The following ECE2 variants were observed in gnomAD, a reference collection of about 807,000 sequenced individuals.
ECE2 encodes endothelin converting enzyme 2, also known as endothelin-converting enzyme 2.
Under a neutral mutation model 100.6 loss-of-function variants are expected in ECE2, and 81 were observed. The observed-to-expected ratio is 0.81, with a 90% CI of 0.67 to 0.97. ECE2 has a LOEUF of 0.97. ECE2 is among the 50% of genes least tolerant of loss of function. ECE2 has a pLI of 0.00. For synonymous variants in ECE2, 391 were observed against 391.5 expected, an observed-to-expected ratio of 1.00 and a Z score of 0.02; for missense variants, 911 against 988.1, an observed-to-expected ratio of 0.92 and a Z score of 1.05.
intron 9 of ECE2, 139 bp downstream of exon 9, chr3:184,285,244 G>A (rs1720984782): frequency 7.8e-6 from 10 of 1,286,282 alleles, no homozygotes; most frequent in Non-Finnish European, 1.1e-5. Context: ...ATGTCTATGG[G>A]CTTTTCCTCT....
At chr3:184,279,954 G>A (rs1369802010) in intron 7 of ECE2, among the ~76,000 whole-genome samples, 2 of 149,058 alleles carry the variant, frequency 1.3e-5, no homozygotes, top group Non-Finnish European at 3.0e-5. Flanking sequence ...AGCATCTGCG[G>A]TACTCCGTGC....
rs779007996 is a variant in ECE2 at position 184,289,696 on chromosome 3, A to G, written c.1529A>G (p.Glu510Gly). The change falls in exon 13 of 19, where the codon GAG becomes GGG. Residue 510 changes from glutamate to glycine, a missense_variant. By Grantham distance (98) the Glu-to-Gly change is moderately conservative. Transcript: ENST00000404464. The surrounding 1 kb of genome is among the most constrained non-coding windows in gnomAD (Gnocchi z 4.1). ...CCAGACTTTATCCTGGAGCCCAAAG[A>G]GCTGGATGATGTTTATGACGGGGTG... The part of the protein sequence containing the change: ...GFPDFILEPK[E>G]LDDVYDGYEI... 1 of 1,613,362 alleles carries G rather than the reference A, an allele frequency of 6.2e-7. No individual in the cohort carries two copies. The highest frequency in any genetic ancestry group is 8.5e-7 in the Non-Finnish European group (1 of 1,179,708).
At chr3:184,290,727 C>G (rs1721272236) in intron 15 of ECE2, 60 bp downstream of exon 15, 1 of 1,611,826 alleles carries the variant, frequency 6.2e-7, no homozygotes, top group African/African-American at 1.3e-5. Context: ...GAGCTGGGAG[C>G]AGGGCTGGAG....
chr3:184,292,028 C>A (rs1721348601), intron 18 of ECE2, 34 bp from the exon 19 acceptor site: 1 of 1,584,786 alleles, frequency 6.3e-7, no homozygotes, highest in South Asian at 1.1e-5. Context: ...CCACACTAGA[C>A]ACCATATGCC....
Position 184,292,205 on chromosome 3 carries a change from C to T in ECE2, c.2265C>T (p.Pro755=), listed in dbSNP as rs376617168. The T allele has an allele frequency of 3.1e-6, 5 of 1,614,036 alleles. No homozygotes were observed. Among genetic ancestry groups the T allele is most frequent in the Middle Eastern group, 1.6e-4 (1 of 6,082 alleles). The change falls in exon 19 of 19, where the codon CCC becomes CCT. Residue 755 remains proline (P), a synonymous_variant. Coordinates refer to ENST00000404464, the MANE Select transcript of ECE2 (RefSeq NM_001100121.2). ...LRHFGCPVGS[P]MNPGQLCEVW ...ACTTCGGCTGCCCTGTCGGCTCCCC[C>T]ATGAACCCAGGGCAGCTGTGTGAGG...
intron 7 of ECE2, 193 bp downstream of exon 7, chr3:184,278,750 T>TCCTC (rs1720687615): frequency 1.6e-6 from 1 of 616,152 alleles, no homozygotes. Flanking sequence ...CTTCCTTCCT[T>TCCTC]CCTCTTATTC....
chr3:184,277,173 A>G lies in ECE2; in HGVS notation c.263-78A>G, dbSNP rs1355582169. The G allele has an allele frequency of 3.1e-6, 5 of 1,604,352 alleles. No homozygotes were observed. In the African/African-American group the frequency reaches 6.7e-5, roughly 21 times the overall value. ...TTCTCTTCCCAACCTTCCTGCTGTC[A>G]TGGCCCTTGCAGAGTTTGCCTCTTC... On this transcript the variant is annotated intron_variant, in intron 3 of 18. Transcript: ENST00000404464.
intron 7 of ECE2, among the ~76,000 whole-genome samples, chr3:184,282,330 A>G (rs767139329): frequency 1.3e-5 from 2 of 152,156 alleles, no homozygotes; most frequent in Non-Finnish European, 2.9e-5. Flanking sequence ...TTTGAAATAC[A>G]CAGAATGAAT....
chr3:184,277,502 A>G (rs767932360), intron 4 of ECE2, 36 bp downstream of exon 4: 6 of 1,606,000 alleles, frequency 3.7e-6, no homozygotes, highest in South Asian at 2.2e-5. Context: ...TGGGCCACCT[A>G]TGTGCCTTGT....
chr3:184,289,574 G>C lies in ECE2; in HGVS notation c.1473+39G>C. 4 of 1,613,528 alleles carry C rather than the reference G, an allele frequency of 2.5e-6. No homozygotes were observed. The highest frequency in any genetic ancestry group is 2.5e-6 in the Non-Finnish European group (3 of 1,179,518). ...AGGGTTGGGGCGCCATCTTGAGGTG[G>C]GGTTCAAGGATACAGTTTTGCTAGG... On this transcript the variant is annotated intron_variant, in intron 12 of 18. Transcript: ENST00000404464. The surrounding 1 kb of genome is among the most constrained non-coding windows in gnomAD (Gnocchi z 4.1).
chr3:184,279,484 C>A (rs558482201), intron 7 of ECE2, among the ~76,000 whole-genome samples: 10 of 151,498 alleles, frequency 6.6e-5, no homozygotes, highest in Admixed American at 1.3e-4. Context: ...GGTGAAAACC[C>A]GTCTCTACTA....
intron 10 of ECE2, among the ~76,000 whole-genome samples, chr3:184,287,308 A>C (rs1466180281): frequency 6.7e-6 from 1 of 148,730 alleles, no homozygotes; most frequent in East Asian, 2.0e-4. Flanking sequence ...AAGTAGTAGA[A>C]ACTGCTGATA....
intron 11 of ECE2, 52 bp downstream of exon 11, chr3:184,287,999 G>C: frequency 6.5e-7 from 1 of 1,543,774 alleles, no homozygotes; most frequent in Non-Finnish European, 8.9e-7. Context: ...GACTGTTCAT[G>C]TATGTGCAGA....
chr3:184,292,139 C>A lies in ECE2; in HGVS notation c.2199C>A (p.Arg733=), dbSNP rs745688760. 2 of 1,614,078 alleles carry A rather than the reference C, an allele frequency of 1.2e-6. No individual in the cohort carries two copies. The highest frequency in any genetic ancestry group is 1.7e-5 in the Admixed American group (1 of 60,026). The stretch of plus-strand genomic sequence containing the variant: ...ACCCCCACAGCCCTGCCCGCTTCCG[C>A]GTGCTGGGCACTCTCTCCAACTCCC... ...VTDPHSPARF[R]VLGTLSNSRD... is the part of the protein sequence containing the mutation. Residue 733 remains arginine (R), a synonymous_variant, in exon 19 of 19, where the codon CGC becomes CGA. Transcript: ENST00000404464.
chr3:184,278,619 A>T, intron 7 of ECE2, 62 bp downstream of exon 7: 2 of 1,586,160 alleles, frequency 1.3e-6, no homozygotes, highest in Non-Finnish European at 1.7e-6. Context: ...ATCCCTGTTG[A>T]CTTTTCCCTT....
chr3:184,280,978 CAAAAAAAAA>C (rs879881453), intron 7 of ECE2, among the ~76,000 whole-genome samples: 1 of 110,416 alleles, frequency 9.1e-6, no homozygotes, highest in Admixed American at 9.7e-5. Context: ...GACTCTGTCT[CAAAAAAAAA>C]AAAAAGAAAG....
rs1720898112 is a variant in ECE2, at chr3:184,283,586, A to T, written c.817-199A>T. Among the ~76,000 whole-genome samples the T allele has an allele frequency of 2.8e-5, 4 of 145,434 alleles. No individual in the cohort carries two copies. In the South Asian group the frequency reaches 8.9e-4, roughly 32 times the overall value. ...CAAAAAAAAAAAAAAAAAAAAAAAAAAAAAAGAAGAAGAAGAAGTAAGTAA... is the reference window on the plus strand; with the variant it reads ...CAAAAAAAAAAAAAAAAAAAAAAAATAAAAAGAAGAAGAAGAAGTAAGTAA... On this transcript the variant is annotated intron_variant, in intron 7 of 18. Coordinates refer to ENST00000404464, the MANE Select transcript of ECE2 (RefSeq NM_001100121.2).
intron 11 of ECE2, 24 bp downstream of exon 11, chr3:184,287,971 C>A: frequency 6.2e-7 from 1 of 1,600,624 alleles, no homozygotes; most frequent in Non-Finnish European, 8.6e-7. Context: ...ATTCTTTCAA[C>A]ACTATGCCCT....
intron 10 of ECE2, 89 bp from the exon 11 acceptor site, chr3:184,287,748 G>A: frequency 6.0e-6 from 7 of 1,171,162 alleles, no homozygotes; most frequent in Non-Finnish European, 8.8e-6. Context: ...CCAGAGCTGA[G>A]AAGGGCTGCT....
Sources: gnomAD v4.1 joint callset for allele counts (sites outside exome capture counted in the v4.1 genomes callset) on GRCh38, gnomAD v4.1.1 for gene constraint, Gnocchi (gnomAD v3.1) non-coding constraint, MANE v1.5 for transcripts, NCBI Gene and HGNC (gene_info 2026-07-23, HGNC 2026-07-21) for gene names.